The following RBFOX1 variants were observed in gnomAD, a reference collection of about 807,000 sequenced individuals.
RBFOX1 encodes RNA binding protein fox-1 homolog 1.
A neutral mutation model predicts 57.7 loss-of-function variants in RBFOX1; 8 were observed. The observed-to-expected ratio is 0.14, with a 90% CI of 0.08 to 0.25. The LOEUF is 0.25. RBFOX1 is among the 10% of genes least tolerant of loss of function. The pLI is 1.00. For missense variants in RBFOX1, 611 were observed against 548.5 expected (o/e 1.11, Z -1.14); for synonymous variants, 326 against 222.4 (o/e 1.47, Z -4.15).
chr16:6,648,203 AC>A (rs1602638360), intron 2 of RBFOX1, among the ~76,000 whole-genome samples: 1 of 151,446 alleles, frequency 6.6e-6, no homozygotes, highest in Non-Finnish European at 1.5e-5. Context: ...ATACCACCCC[AC>A]CTAGCTAATT....
intron 4 of RBFOX1, among the ~76,000 whole-genome samples, chr16:7,194,075 G>A (rs2086090559): frequency 6.6e-6 from 1 of 152,112 alleles, no homozygotes; most frequent in Non-Finnish European, 1.5e-5. Context: ...ATTATTGGGA[G>A]AAGGAGTTAT....
chr16:6,554,907 G>C (rs778945160), intron 2 of RBFOX1, among the ~76,000 whole-genome samples: 4 of 152,156 alleles, frequency 2.6e-5, no homozygotes, highest in Non-Finnish European at 4.4e-5. Flanking sequence ...GAAGCCCAGA[G>C]TATGCTTTTT....
intron 3 of RBFOX1, among the ~76,000 whole-genome samples, chr16:6,770,834 T>A (rs6500821): frequency 0.22 from 33,033 of 152,042 alleles, 5,426 homozygotes; most frequent in African/African-American, 0.45. Flanking sequence ...AGAGAGCCCA[T>A]TTCTAAATAG....
intron 1 of RBFOX1, among the ~76,000 whole-genome samples, chr16:5,265,163 G>C (rs1428610438): frequency 2.0e-5 from 3 of 152,188 alleles, no homozygotes; most frequent in Admixed American, 1.3e-4. Context: ...GAGAACTACA[G>C]TGTGGGATGT....
chr16:5,630,853 A>G (rs1474578284), intron 3 of RBFOX1, among the ~76,000 whole-genome samples: 1 of 152,116 alleles, frequency 6.6e-6, no homozygotes, highest in East Asian at 1.9e-4. Flanking sequence ...AGCAACTTGA[A>G]CTTTACATGT....
chr16:7,482,955 C>A (rs757183096), intron 4 of RBFOX1, among the ~76,000 whole-genome samples: 2 of 152,166 alleles, frequency 1.3e-5, no homozygotes, highest in African/African-American at 2.4e-5. Flanking sequence ...AAAAGACCTT[C>A]ACCTGGCTAG....
At chr16:5,782,868 C>T (rs1471355939) in intron 3 of RBFOX1, among the ~76,000 whole-genome samples, 5 of 152,162 alleles carry the variant, frequency 3.3e-5, no homozygotes, top group South Asian at 2.1e-4. Context: ...GATGTTTCAG[C>T]TCAAGCAGGG....
rs187807918 is a variant in RBFOX1, at chr16:6,925,200, C to A, written c.-15-126857C>A. Among the ~76,000 whole-genome samples, 46 of 117,238 alleles carry A rather than the reference C, an allele frequency of 3.9e-4. 1 individual carries two copies. The South Asian group carries it at 0.012, about 32-fold the overall frequency. The allele number at this position is 117,238 out of a possible 152,430, so 76.9% of individuals were successfully genotyped here. A position where few individuals can be genotyped will look rare whatever the true frequency, so the allele number is the denominator to read the frequency against. On this transcript the variant is annotated intron_variant, in intron 3 of 15. Coordinates refer to ENST00000550418, the MANE Select transcript of RBFOX1 (RefSeq NM_018723.4). ...CTAGACTGGAGTGCAGTGGTATGATCTCAGCTCACTGAAGCCTCTGCCTCC... is the reference window on the plus strand; with the variant it reads ...CTAGACTGGAGTGCAGTGGTATGATATCAGCTCACTGAAGCCTCTGCCTCC...
intron 3 of RBFOX1, among the ~76,000 whole-genome samples, chr16:7,018,565 T>C (rs1385676116): frequency 6.6e-6 from 1 of 152,176 alleles, no homozygotes; most frequent in Admixed American, 6.5e-5. Context: ...TATAGCAGCA[T>C]AATTTATAAT....
intron 3 of RBFOX1, among the ~76,000 whole-genome samples, chr16:6,800,601 A>T (rs1456457557): frequency 6.6e-6 from 1 of 152,110 alleles, no homozygotes; most frequent in South Asian, 2.1e-4. Context: ...ATGGTTAAAG[A>T]GCAAATTCAG....
rs557265855 is a variant in RBFOX1, at chr16:7,004,519, A to G, written c.-15-47538A>G. Among the ~76,000 whole-genome samples the G allele has an allele frequency of 5.3e-5, 8 of 152,308 alleles. No homozygotes were observed. In the East Asian group the frequency reaches 1.2e-3, roughly 22 times the overall value. ...CAGTAAGTTGGTATGCCAGCACTCC[A>G]AGAGAGAGACCATCTCTTTGTCATG... On this transcript the variant is annotated intron_variant, in intron 3 of 15. Coordinates refer to ENST00000550418, the MANE Select transcript of RBFOX1 (RefSeq NM_018723.4).
chr16:6,947,899 C>G (rs886887067), intron 3 of RBFOX1, among the ~76,000 whole-genome samples: 17 of 152,154 alleles, frequency 1.1e-4, no homozygotes, highest in Non-Finnish European at 2.4e-4. Context: ...GCCTCAGCCC[C>G]CCAAGTAGCT....
At chr16:6,644,354 C>CA (rs1200549030) in intron 2 of RBFOX1, among the ~76,000 whole-genome samples, 1 of 152,152 alleles carries the variant, frequency 6.6e-6, no homozygotes, top group African/African-American at 2.4e-5. Flanking sequence ...AGTGTGATGT[C>CA]AAAAATGTAT....
chr16:5,456,629 C>T (rs1035875038), intron 1 of RBFOX1, among the ~76,000 whole-genome samples: 1 of 152,196 alleles, frequency 6.6e-6, no homozygotes, highest in African/African-American at 2.4e-5. Flanking sequence ...CAAGACCTGT[C>T]AAGTCAGTGT....
chr16:6,417,445 A>G (rs2093655071), intron 2 of RBFOX1, among the ~76,000 whole-genome samples: 1 of 135,128 alleles, frequency 7.4e-6, no homozygotes, highest in Non-Finnish European at 1.5e-5. Flanking sequence ...ACTGGAGTGC[A>G]GTGGCACTGT....
chr16:5,741,054 A>G (rs2052753314), intron 3 of RBFOX1, among the ~76,000 whole-genome samples: 1 of 152,216 alleles, frequency 6.6e-6, no homozygotes, highest in South Asian at 2.1e-4. Flanking sequence ...TCTGTTTTGT[A>G]GATGGGGAAA....
chr16:7,709,587 T>A, intron 15 of RBFOX1: 1 of 1,530,452 alleles, frequency 6.5e-7, no homozygotes, highest in Non-Finnish European at 8.8e-7. Flanking sequence ...TGACTGCCTC[T>A]CCTCCCCTAT....
intron 3 of RBFOX1, among the ~76,000 whole-genome samples, chr16:5,812,873 G>A (rs1465410649): frequency 6.6e-6 from 1 of 152,074 alleles, no homozygotes; most frequent in African/African-American, 2.4e-5. Flanking sequence ...TCAACTTCTG[G>A]TTTTCCATGT....
At chr16:5,773,705 A>G (rs1033287157) in intron 3 of RBFOX1, among the ~76,000 whole-genome samples, 6 of 152,064 alleles carry the variant, frequency 3.9e-5, no homozygotes, top group African/African-American at 1.4e-4. Flanking sequence ...TTTTTATTTT[A>G]TTTTATTTTT....
Sources: allele counts gnomAD v4.1 joint callset (sites outside exome capture counted in the v4.1 genomes callset), GRCh38; gene constraint gnomAD v4.1.1; transcripts MANE v1.5; gene names NCBI Gene and HGNC (gene_info 2026-07-23, HGNC 2026-07-21).